Variants in ZNF600 observed in about 807,000 individuals in gnomAD.
ZNF600 encodes zinc finger protein KR-ZNF1.
ZNF600 carries 4 observed loss-of-function variants against 7.3 expected under a neutral mutation model. The ratio of observed to expected loss-of-function variants is 0.55; its 90% CI spans 0.27 to 1.25. The LOEUF is 1.25. Among genes scored for constraint, ZNF600 ranks in the 50% most tolerant of loss-of-function variants. ZNF600 has a pLI of 0.12. For synonymous variants in ZNF600, 290 were observed against 308.9 expected (o/e 0.94, Z 0.64); for missense variants, 911 against 922.1 (o/e 0.99, Z 0.16).
At chr19:52,830,523 G>A in the ZNF600 span, among the ~76,000 whole-genome samples, 21,027 of 151,486 alleles carry the variant, frequency 0.14, 2,171 homozygotes, top group African/African-American at 0.29. Flanking sequence ...GTACATCAAG[G>A]GGGATACAAG....
chr19:52,824,670 A>G, the ZNF600 span, among the ~76,000 whole-genome samples: 1 of 152,098 alleles, frequency 6.6e-6, no homozygotes, highest in Non-Finnish European at 1.5e-5. Context: ...AGACGAAAAT[A>G]AAGAAAAATC....
the ZNF600 span, among the ~76,000 whole-genome samples, chr19:52,830,062 T>C: frequency 6.6e-6 from 1 of 151,946 alleles, no homozygotes; most frequent in East Asian, 1.9e-4. Context: ...TCACCTGAAG[T>C]TGGGAGTTTG....
At chr19:52,802,011 C>T in the ZNF600 span, among the ~76,000 whole-genome samples, 33 of 152,158 alleles carry the variant, frequency 2.2e-4, no homozygotes, top group Admixed American at 1.4e-3. Context: ...TTGCAAAAAA[C>T]ACATCACTAT....
chr19:52,799,764 T>C, the ZNF600 span: 2 of 1,614,136 alleles, frequency 1.2e-6, no homozygotes, highest in Non-Finnish European at 8.5e-7. Context: ...GCCACACTCA[T>C]TACACTTGTA....
the ZNF600 span, chr19:52,799,008 C>A: frequency 1.2e-6 from 1 of 821,574 alleles, no homozygotes; most frequent in Non-Finnish European, 1.8e-6. Flanking sequence ...TTGTTACAAA[C>A]CTTACATTTG....
chr19:52,800,221 G>T, the ZNF600 span: 1 of 1,613,136 alleles, frequency 6.2e-7, no homozygotes, highest in African/African-American at 1.3e-5. Flanking sequence ...TGAAGTTTAT[G>T]ATGACATGCA....
intron 2 of ZNF600, 54 bp from the exon 5 acceptor site, chr19:52,774,755 T>C (rs1217766225): frequency 2.6e-5 from 26 of 985,284 alleles, no homozygotes; most frequent in Non-Finnish European, 3.1e-5. Flanking sequence ...AGTTATCACC[T>C]TCATGGGAAA....
chr19:52,775,842 C>G (rs1006157081), intron 2 of ZNF600, among the ~76,000 whole-genome samples: 4 of 152,090 alleles, frequency 2.6e-5, no homozygotes, highest in African/African-American at 9.6e-5. Flanking sequence ...CCCTTCTCTA[C>G]TAAAAATACA....
At chr19:52,818,473 A>G in the ZNF600 span, among the ~76,000 whole-genome samples, 1 of 151,990 alleles carries the variant, frequency 6.6e-6, no homozygotes, top group Non-Finnish European at 1.5e-5. Flanking sequence ...AACACTCTGA[A>G]AGGCCGAGGT....
At chr19:52,774,511 A>G in intron 3 of ZNF600, 64 bp downstream of exon 5, 2 of 984,808 alleles carry the variant, frequency 2.0e-6, no homozygotes, top group Non-Finnish European at 2.4e-6. Context: ...AGAACACAAA[A>G]CCAGGAAGGG....
At chr19:52,826,039 C>T in the ZNF600 span, among the ~76,000 whole-genome samples, 5 of 152,136 alleles carry the variant, frequency 3.3e-5, no homozygotes, top group African/African-American at 9.7e-5. Context: ...GTAGGACTTA[C>T]GCTGACTTGC....
the ZNF600 span, chr19:52,798,334 A>C: frequency 6.1e-6 from 2 of 325,548 alleles, no homozygotes; most frequent in East Asian, 1.8e-4. Flanking sequence ...AATGTCAATT[A>C]ATGCTTAAAC....
chr19:52,804,678 G>T, the ZNF600 span, among the ~76,000 whole-genome samples: 6 of 151,938 alleles, frequency 3.9e-5, no homozygotes, highest in Non-Finnish European at 8.8e-5. Context: ...GCCCATTTTT[G>T]GCATTTAGTA....
intron 2 of ZNF600, among the ~76,000 whole-genome samples, chr19:52,777,058 CA>C (rs1485192732): frequency 6.6e-6 from 1 of 152,112 alleles, no homozygotes; most frequent in Non-Finnish European, 1.5e-5. Flanking sequence ...TGCCTATCTC[CA>C]CTTTCCACTC....
Position 52,767,341 on chromosome 19 carries a change from A to G in ZNF600, c.622T>C (p.Tyr208His), listed in dbSNP as rs138086461. Residue 208 changes from tyrosine (Y) to histidine (H), a missense_variant, in exon 4 of 4, where the codon TAT becomes CAT. By Grantham distance (83) the Tyr-to-His change is moderately conservative. Coordinates refer to ENST00000648973, the Ensembl canonical transcript of ZNF600. ...GAAGAATTCGGGGAATTATTCCCAT[A>G]GTTATTAGAAATATGGATTTGGGGC... is the stretch of plus-strand genomic sequence containing the variant. 550 of 1,614,090 alleles carry G rather than the reference A, an allele frequency of 3.4e-4. 2 individuals carry two copies. In the African/African-American group the frequency reaches 6.4e-3, roughly 19 times the overall value.
chr19:52,769,490 C>A (rs1349869842), intron 3 of ZNF600, among the ~76,000 whole-genome samples: 2 of 152,212 alleles, frequency 1.3e-5, no homozygotes, highest in Non-Finnish European at 2.9e-5. Context: ...GGACAGGTGA[C>A]CCACGTGACC....
chr19:52,785,174 G>A (rs1291900436), intron 1 of ZNF600, among the ~76,000 whole-genome samples: 2 of 150,716 alleles, frequency 1.3e-5, no homozygotes, highest in African/African-American at 4.9e-5. Flanking sequence ...CTCTCCTGCT[G>A]TTTATCCCCT....
the ZNF600 span, chr19:52,801,735 G>T: frequency 1.9e-6 from 3 of 1,580,138 alleles, no homozygotes; most frequent in Admixed American, 3.5e-5. Flanking sequence ...GGTTTCCAAT[G>T]AAGTACAGAT....
exon 4 of ZNF600, chr19:52,765,660 C>T (rs2062563708): frequency 1.2e-6 from 2 of 1,614,020 alleles, no homozygotes; most frequent in South Asian, 1.1e-5. Context: ...GGCTTTGCCA[C>T]ACTCATTACA....
Sources: gnomAD v4.1 joint callset for allele counts (sites outside exome capture counted in the v4.1 genomes callset) on GRCh38, gnomAD v4.1.1 for gene constraint, MANE v1.5 for transcripts, NCBI Gene and HGNC (gene_info 2026-07-23, HGNC 2026-07-21) for gene names.